BAZ2B: variants seen among roughly 807,000 people sequenced by gnomAD.
BAZ2B encodes bromodomain adjacent to zinc finger domain 2B.
BAZ2B carries 91 observed loss-of-function variants against 246.0 expected under a neutral mutation model. The observed-to-expected ratio is 0.37, with a 90% confidence interval of 0.31 to 0.44. The LOEUF (loss-of-function observed/expected upper bound fraction) is 0.44, where lower values mean the gene tolerates loss of function less well. Ranked by LOEUF, BAZ2B falls within the 20% of genes least tolerant of loss-of-function variation. BAZ2B has a pLI of 1.00. For missense variants in BAZ2B, 2,332 were observed against 2,533.7 expected (o/e 0.92, Z 1.71); for synonymous variants, 855 against 860.0 (o/e 0.99, Z 0.10).
At chr2:159,385,496 T>TTA (rs2062536134) in intron 22 of BAZ2B, 127 bp from the exon 23 acceptor site, 1 of 806,418 alleles carries the variant, frequency 1.2e-6, no homozygotes, top group Non-Finnish European at 1.9e-6. Flanking sequence ...ACTTTTTTTT[T>TTA]AATGAAAGAG....
the BAZ2B span, among the ~76,000 whole-genome samples, chr2:159,668,239 T>C: frequency 3.3e-5 from 5 of 152,194 alleles, no homozygotes; most frequent in Non-Finnish European, 5.9e-5. Flanking sequence ...TCACTTGTTC[T>C]AGTAGTTGCT....
chr2:159,689,246 C>G, the BAZ2B span: 1 of 478,896 alleles, frequency 2.1e-6, no homozygotes, highest in Non-Finnish European at 3.8e-6. Flanking sequence ...TGGTTCATAT[C>G]CATCAACTCA....
chr2:159,697,507 T>G, the BAZ2B span, among the ~76,000 whole-genome samples: 3 of 152,334 alleles, frequency 2.0e-5, no homozygotes, highest in East Asian at 1.9e-4. Flanking sequence ...ACTTGCTTTT[T>G]AGGGGCTTTC....
downstream of BAZ2B, among the ~76,000 whole-genome samples, chr2:159,315,671 C>T (rs1478121015): frequency 6.6e-6 from 1 of 152,106 alleles, no homozygotes; most frequent in African/African-American, 2.4e-5. Context: ...TATCACTATG[C>T]CATATTAGGT....
At chr2:159,505,776 G>C (rs1022562153) in intron 2 of BAZ2B, among the ~76,000 whole-genome samples, 4 of 152,104 alleles carry the variant, frequency 2.6e-5, no homozygotes, top group Non-Finnish European at 5.9e-5. Context: ...AAGCCAAGTA[G>C]GAAAATAAAA....
intron 27 of BAZ2B, among the ~76,000 whole-genome samples, chr2:159,351,925 G>A (rs1203770771): frequency 1.3e-5 from 2 of 152,144 alleles, no homozygotes; most frequent in East Asian, 1.9e-4. Flanking sequence ...CTACACTTCA[G>A]GGGTAGCCAT....
At chr2:159,498,467 T>C (rs1055424024) in intron 2 of BAZ2B, among the ~76,000 whole-genome samples, 2 of 152,214 alleles carry the variant, frequency 1.3e-5, no homozygotes, top group African/African-American at 2.4e-5. Context: ...CTTTAGATAA[T>C]AGTATAATTT....
In BAZ2B at chr2:159,337,788, A is replaced by G; in HGVS notation, c.5455-16T>C. On this transcript the variant is annotated splice_polypyrimidine_tract_variant and intron_variant, in intron 31 of 36. Coordinates refer to ENST00000392783, the MANE Select transcript of BAZ2B (RefSeq NM_013450.4). ...ACATCCAACCCTATATATCAAGAGA[A>G]TAGTGTTATTATGGTTTCCTCTTAA... The G allele has an allele frequency of 6.2e-7, 1 of 1,606,232 alleles. No individual in the cohort carries two copies. Among genetic ancestry groups the G allele is most frequent in the Non-Finnish European group, 8.5e-7 (1 of 1,174,404 alleles).
intron 6 of BAZ2B, among the ~76,000 whole-genome samples, chr2:159,443,719 G>C (rs189686849): frequency 1.1e-4 from 16 of 152,230 alleles, no homozygotes; most frequent in African/African-American, 3.6e-4. Flanking sequence ...AGTTGCCTTA[G>C]ACACTACTAT....
chr2:159,365,218 T>C (rs1576143061), intron 27 of BAZ2B, among the ~76,000 whole-genome samples: 1 of 152,244 alleles, frequency 6.6e-6, no homozygotes, highest in East Asian at 1.9e-4. Context: ...TAAGTGGCTG[T>C]TCTAGGCTCG....
chr2:159,478,456 A>G, intron 3 of BAZ2B, 119 bp downstream of exon 3: 1 of 1,111,142 alleles, frequency 9.0e-7, no homozygotes, highest in South Asian at 2.4e-5. Flanking sequence ...TGTTTAACCT[A>G]GCCTTTATTC....
At position 159,438,997 on chromosome 2, in the gene BAZ2B, A is replaced by G; in HGVS notation, c.900+12T>C. The G allele has an allele frequency of 6.2e-7, 1 of 1,611,344 alleles. No homozygotes were observed. Among genetic ancestry groups the G allele is most frequent in the Non-Finnish European group, 8.5e-7 (1 of 1,179,150 alleles). On this transcript the variant is annotated intron_variant, in intron 7 of 36. Transcript: ENST00000392783. The stretch of plus-strand genomic sequence containing the variant: ...AATAATGTTTGGATACTGTCCATGA[A>G]AAAAATTATACCTGGTTGTTACTTT...
chr2:159,379,894 T>C, intron 25 of BAZ2B, among the ~76,000 whole-genome samples: 1 of 152,178 alleles, frequency 6.6e-6, no homozygotes, highest in East Asian at 1.9e-4. Flanking sequence ...ATGTTGTTTT[T>C]TGAGGTCAAT....
intron 1 of BAZ2B, among the ~76,000 whole-genome samples, chr2:159,598,531 G>C (rs1304819550): frequency 6.6e-6 from 1 of 152,104 alleles, no homozygotes; most frequent in Non-Finnish European, 1.5e-5. Flanking sequence ...TTTCACTCTT[G>C]GGGGAAATAC....
chr2:159,627,601 T>C, the BAZ2B span, among the ~76,000 whole-genome samples: 2 of 152,284 alleles, frequency 1.3e-5, no homozygotes, highest in African/African-American at 4.8e-5. Context: ...AGAAAAGGCC[T>C]TTGATAAAAT....
intron 27 of BAZ2B, among the ~76,000 whole-genome samples, chr2:159,368,840 A>T (rs1233921928): frequency 7.3e-6 from 1 of 136,078 alleles, no homozygotes; most frequent in Non-Finnish European, 1.6e-5. Context: ...AATTCAATCA[A>T]TGATAATCTG....
intron 27 of BAZ2B, among the ~76,000 whole-genome samples, chr2:159,358,304 G>T (rs2059329744): frequency 6.6e-6 from 1 of 152,138 alleles, no homozygotes; most frequent in Non-Finnish European, 1.5e-5. Context: ...AACAGAAGGG[G>T]TTGCAATCCT....
At chr2:159,466,029 C>T (rs955775419) in intron 3 of BAZ2B, among the ~76,000 whole-genome samples, 1 of 152,106 alleles carries the variant, frequency 6.6e-6, no homozygotes, top group African/African-American at 2.4e-5. Flanking sequence ...CATAAATACT[C>T]AAAGAAACTT....
chr2:159,572,320 G>T (rs1268104752), intron 1 of BAZ2B, among the ~76,000 whole-genome samples: 2 of 152,190 alleles, frequency 1.3e-5, no homozygotes, highest in Non-Finnish European at 2.9e-5. Flanking sequence ...CCTCTGATTA[G>T]TTTCAGCCTG....
Sources: allele counts gnomAD v4.1 joint callset (sites outside exome capture counted in the v4.1 genomes callset), GRCh38; gene constraint gnomAD v4.1.1; transcripts MANE v1.5; gene names NCBI Gene and HGNC (gene_info 2026-07-23, HGNC 2026-07-21).